Variants in HCRTR2 observed in about 807,000 individuals in gnomAD.
HCRTR2 encodes the protein orexin receptor type 2.
In HCRTR2, 22 loss-of-function variants were observed where a neutral mutation model predicts 49.0. The ratio of observed to expected loss-of-function variants is 0.45; its 90% confidence interval spans 0.32 to 0.64. The LOEUF (loss-of-function observed/expected upper bound fraction) is 0.64. Among genes scored for constraint, HCRTR2 ranks in the 30% least tolerant of loss-of-function variants. HCRTR2 has a pLI of 0.04. For synonymous variants in HCRTR2, 236 were observed against 205.3 expected, an observed-to-expected ratio of 1.15 and a Z score of -1.28; for missense variants, 491 against 559.4, an observed-to-expected ratio of 0.88 and a Z score of 1.23.
intron 1 of HCRTR2, among the ~76,000 whole-genome samples, chr6:55,208,331 A>T (rs4130225): frequency 0.31 from 46,025 of 149,038 alleles, 7,879 homozygotes; most frequent in Non-Finnish European, 0.38. Flanking sequence ...AAAAAATAAA[A>T]AAAAAAAAAA....
At chr6:55,238,849 A>G (rs975038330) in intron 1 of HCRTR2, among the ~76,000 whole-genome samples, 2 of 152,216 alleles carry the variant, frequency 1.3e-5, no homozygotes, top group East Asian at 1.9e-4. Context: ...AAGCATTTCT[A>G]CAGAAAAGAC....
chr6:55,267,206 C>A (rs1427024913), intron 4 of HCRTR2, among the ~76,000 whole-genome samples: 1 of 152,070 alleles, frequency 6.6e-6, no homozygotes, highest in African/African-American at 2.4e-5. Flanking sequence ...ATCAAGTGAG[C>A]CATCAAATGA....
At chr6:55,258,047 A>G (rs1045420183) in intron 3 of HCRTR2, among the ~76,000 whole-genome samples, 5 of 152,112 alleles carry the variant, frequency 3.3e-5, no homozygotes, top group Non-Finnish European at 5.9e-5. Context: ...TAAACTATTT[A>G]TAAGTCCATG....
intron 1 of HCRTR2, among the ~76,000 whole-genome samples, chr6:55,197,691 G>A (rs992611883): frequency 6.6e-5 from 10 of 151,858 alleles, no homozygotes; most frequent in Admixed American, 1.3e-4. Context: ...GCGTGATCTC[G>A]GCTCACTGCA....
chr6:55,240,874 AT>A (rs1766315485), intron 1 of HCRTR2: 2 of 256,248 alleles, frequency 7.8e-6, no homozygotes, highest in Non-Finnish European at 1.6e-5. Context: ...TTTCTTTTTC[AT>A]TTAGAAATGT....
rs957268863 is a variant in HCRTR2, at chr6:55,214,812, C to T, written c.224-33827C>T. ...AATATGATAACCAAATTGAATATTA[C>T]ATTAAAGGAGTTTAATACTAGATTT... On this transcript the variant is annotated intron_variant, in intron 1 of 6. Transcript: ENST00000370862. Among the ~76,000 whole-genome samples, 8 of 151,608 alleles carry T rather than the reference C, an allele frequency of 5.3e-5. No individual in the cohort carries two copies. The East Asian group carries it at 1.6e-3, about 29-fold the overall frequency.
intron 1 of HCRTR2, among the ~76,000 whole-genome samples, chr6:55,209,853 T>A (rs1409896515): frequency 1.3e-5 from 2 of 152,192 alleles, no homozygotes; most frequent in Non-Finnish European, 1.5e-5. Flanking sequence ...CAATGTAATA[T>A]TCTTCTTGCA....
intron 1 of HCRTR2, among the ~76,000 whole-genome samples, chr6:55,163,263 A>AACAAAC (rs1331225782): frequency 6.6e-6 from 1 of 151,138 alleles, no homozygotes; most frequent in African/African-American, 2.4e-5. Flanking sequence ...AACAACAAAA[A>AACAAAC]AAAAAAAACT....
intron 1 of HCRTR2, among the ~76,000 whole-genome samples, chr6:55,134,454 TTGTG>T (rs979546193): frequency 4.0e-5 from 6 of 150,412 alleles, no homozygotes; most frequent in Non-Finnish European, 8.9e-5. Flanking sequence ...TAGGTACCAT[TTGTG>T]TGTGTGTGTG....
Position 55,116,068 on chromosome 6 carries a change from T to G in HCRTR2, c.-378+9523T>G, listed in dbSNP as rs552537561. The stretch of plus-strand genomic sequence containing the variant: ...CAAGACATTTCCATTTTTTTTAACT[T>G]TTACAAAATATTATCAATATATTGG... On this transcript the variant is annotated intron_variant, in intron 1 of 7. Transcript: ENST00000615358. 2.1e-3 allele frequency among the ~76,000 whole-genome samples: 324 copies of G among 151,790 alleles called. 1 individual carries two copies. Among genetic ancestry groups the G allele is most frequent in the African/African-American group, 7.7e-3 (318 of 41,518 alleles).
rs568058612 is a variant in HCRTR2 at position 55,151,739 on chromosome 6, T to C, written c.-377-22472T>C. Among the ~76,000 whole-genome samples, 71 of 151,912 alleles carry C rather than the reference T, an allele frequency of 4.7e-4. 1 individual carries two copies. Among genetic ancestry groups the C allele is most frequent in the African/African-American group, 1.6e-3 (68 of 41,484 alleles). On this transcript the variant is annotated intron_variant, in intron 1 of 7. Coordinates refer to the HCRTR2 transcript ENST00000615358. ...AAGCTTTCAATTTACTTTCCCAAGA[T>C]CCATCAGGGAAATCACTATCTATGG...
intron 1 of HCRTR2, among the ~76,000 whole-genome samples, chr6:55,184,116 A>G (rs1422243925): frequency 6.6e-6 from 1 of 152,046 alleles, no homozygotes; most frequent in African/African-American, 2.4e-5. Context: ...CTTAGTAGAG[A>G]TGGGATTTCA....
At chr6:55,274,255 A>ATT (rs1767031479) in intron 4 of HCRTR2, among the ~76,000 whole-genome samples, 1 of 20,624 alleles carries the variant, frequency 4.8e-5, no homozygotes, top group African/African-American at 1.0e-4. Context: ...ATATATATAT[A>ATT]TAATGAAATA....
At chr6:55,118,621 TG>T (rs1292663364) in intron 1 of HCRTR2, among the ~76,000 whole-genome samples, 3 of 151,960 alleles carry the variant, frequency 2.0e-5, no homozygotes, top group South Asian at 2.1e-4. Flanking sequence ...TATCTCATTG[TG>T]GTTTTGATTT....
At chr6:55,249,982 G>A (rs1342425184) in intron 2 of HCRTR2, among the ~76,000 whole-genome samples, 1 of 152,046 alleles carries the variant, frequency 6.6e-6, no homozygotes, top group Non-Finnish European at 1.5e-5. Context: ...GTCACAAATA[G>A]CCTATTACTA....
intron 1 of HCRTR2, among the ~76,000 whole-genome samples, chr6:55,149,988 G>T (rs1764642392): frequency 6.6e-6 from 1 of 151,796 alleles, no homozygotes; most frequent in East Asian, 1.9e-4. Context: ...TCAAATTAAA[G>T]ATTCTATCTT....
At chr6:55,174,414 A>C, upstream of HCRTR2, 1 of 664,532 alleles carries the variant, frequency 1.5e-6, no homozygotes, top group African/African-American at 1.8e-5. Context: ...CCACCGCAGA[A>C]GTTGCCCGGC....
chr6:55,232,773 G>T (rs1241540369), intron 1 of HCRTR2, among the ~76,000 whole-genome samples: 2 of 152,118 alleles, frequency 1.3e-5, no homozygotes, highest in Non-Finnish European at 2.9e-5. Flanking sequence ...TATAAAATAG[G>T]TACAAGTATC....
Position 55,174,713 on chromosome 6 carries a change from C to T in HCRTR2, c.126C>T (p.Tyr42=). 2 of 1,614,086 alleles carry T rather than the reference C, an allele frequency of 1.2e-6. No individual in the cohort carries two copies. The highest frequency in any genetic ancestry group is 1.6e-4 in the Middle Eastern group (1 of 6,062). Residue 42 remains tyrosine, a synonymous_variant, in exon 1 of 7, where the codon TAC becomes TAT. Transcript: ENST00000370862. ...ATGACGACGAGGAATTCCTGCGGTA[C>T]CTGTGGAGGGAATACCTGCACCCGA... ...TDYDDEEFLR[Y]LWREYLHPKE...
Sources: allele counts gnomAD v4.1 joint callset (sites outside exome capture counted in the v4.1 genomes callset), GRCh38; gene constraint gnomAD v4.1.1; transcripts MANE v1.5; gene names NCBI Gene and HGNC (gene_info 2026-07-23, HGNC 2026-07-21).